Variants in SPTBN2 observed in about 807,000 individuals in gnomAD.
SPTBN2 encodes the protein spectrin beta, non-erythrocytic 2.
SPTBN2 carries 107 observed loss-of-function variants against 284.2 expected under a neutral mutation model. The observed-to-expected ratio is 0.38, with a 90% CI of 0.32 to 0.44. SPTBN2 has a LOEUF of 0.44. SPTBN2 is among the 20% of genes least tolerant of loss of function. SPTBN2 has a pLI of 1.00. For synonymous variants in SPTBN2, 1,289 were observed against 1,354.8 expected (o/e 0.95, Z 1.07); for missense variants, 2,569 against 3,287.1 (o/e 0.78, Z 5.34).
chr11:66,732,472 A>G (rs1942820049), upstream of SPTBN2, among the ~76,000 whole-genome samples: 1 of 151,928 alleles, frequency 6.6e-6, no homozygotes, highest in South Asian at 2.1e-4. Flanking sequence ...ACACAGTGAA[A>G]CCCCTTTTCT....
Position 66,715,148 on chromosome 11 carries a change from T to C in SPTBN2, c.483+74A>G. 4 of 1,589,720 alleles carry C rather than the reference T, an allele frequency of 2.5e-6. No individual in the cohort carries two copies. Among genetic ancestry groups the C allele is most frequent in the Admixed American group, 1.7e-5 (1 of 59,534 alleles). ...CTCCATCTTTGTGTTTGTTGTGTCA[T>C]GGGCCAGCAGGAACGGCTTGCGGTG... On this transcript the variant is annotated intron_variant, in intron 5 of 37. Transcript: ENST00000533211. The surrounding 1 kb of genome is among the most constrained non-coding windows in gnomAD (Gnocchi z 5.3).
chr11:66,704,820 C>T lies in SPTBN2; in HGVS notation c.2456G>A (p.Arg819His), dbSNP rs753107176. 156 of 1,606,326 alleles carry T rather than the reference C, an allele frequency of 9.7e-5. No individual in the cohort carries two copies. Among genetic ancestry groups the T allele is most frequent in the Non-Finnish European group, 1.2e-4 (142 of 1,179,216 alleles). ...QAAALPPTLSRTPEVQSRVPT... is the reference protein window; with the variant it reads ...QAAALPPTLSHTPEVQSRVPT... ...CACCCGGCTCTGCACCTCGGGCGTGCGGCTCAGTGTGGGGGGCAGGGCTGC... is the reference window on the plus strand; with the variant it reads ...CACCCGGCTCTGCACCTCGGGCGTGTGGCTCAGTGTGGGGGGCAGGGCTGC... Residue 819 changes from arginine to histidine, a missense_variant, in exon 15 of 38, where the codon CGC becomes CAC. Arg to His is a conservative substitution (Grantham distance 29). Transcript: ENST00000533211.
At chr11:66,734,067 C>G (rs1942836026), upstream of SPTBN2, among the ~76,000 whole-genome samples, 1 of 151,844 alleles carries the variant, frequency 6.6e-6, no homozygotes, top group South Asian at 2.1e-4. Context: ...CTCCTCTTGG[C>G]AGCAATTGAC....
Position 66,689,911 on chromosome 11 carries a change from T to G in SPTBN2, c.5843A>C (p.Asn1948Thr). The G allele has an allele frequency of 6.2e-7, 1 of 1,614,074 alleles. No individual in the cohort carries two copies. Among genetic ancestry groups the G allele is most frequent in the South Asian group, 1.1e-5 (1 of 91,078 alleles). Residue 1948 changes from asparagine (N) to threonine (T), a missense_variant, in exon 29 of 38, where the codon AAC (asparagine) becomes ACC (threonine). By Grantham distance (65) the Asn-to-Thr change is moderately conservative. Transcript: ENST00000533211. ...TATCTCTGCCTTGATGCCTTGCTGG[T>G]TCTTGATGACTAGATCCGCGGAGGA... ...DVSSADLVIKNQQGIKAEIEA... is the reference protein window; with the variant it reads ...DVSSADLVIKTQQGIKAEIEA...
intron 1 of SPTBN2, among the ~76,000 whole-genome samples, chr11:66,739,227 C>T (rs1942878275): frequency 6.6e-6 from 1 of 152,198 alleles, no homozygotes; most frequent in Admixed American, 6.5e-5. Context: ...AGGCGTGAGC[C>T]ACTGTGCACA....
rs182219767 is a variant in SPTBN2, at chr11:66,718,144, C to A, written c.158-2163G>T. On this transcript the variant is annotated intron_variant, in intron 3 of 37. Transcript: ENST00000533211. The surrounding 1 kb of genome is among the most constrained non-coding windows in gnomAD (Gnocchi z 4.8). The stretch of plus-strand genomic sequence containing the variant: ...TCCCCAGGTGCTGGCACCCCCACGC[C>A]CTCCATGGCTAGTTGCCTTTGCTCC... 6.6e-6 allele frequency among the ~76,000 whole-genome samples: 1 copy of A among 152,358 alleles called. No individual in the cohort carries two copies. Among genetic ancestry groups the A allele is most frequent in the East Asian group, 1.9e-4 (1 of 5,170 alleles).
At chr11:66,744,311 G>A (rs995160809) in intron 1 of SPTBN2, 29 of 152,716 alleles carry the variant, frequency 1.9e-4, no homozygotes, top group African/African-American at 7.0e-4. Flanking sequence ...CTGGGACCCA[G>A]GGCTTGGCCT....
rs11828633 is a variant in SPTBN2, at chr11:66,715,703, C to T, written c.309+127G>A. 1,910 of 1,334,794 alleles carry T rather than the reference C, an allele frequency of 1.4e-3. 29 individuals are homozygous for T. The African/African-American group carries it at 0.024, about 17-fold the overall frequency. The allele number at this position is 1,334,794 out of a possible 1,614,324, so 82.7% of individuals were successfully genotyped here. On this transcript the variant is annotated intron_variant, in intron 4 of 37. Transcript: ENST00000533211. The surrounding 1 kb of genome is among the most constrained non-coding windows in gnomAD (Gnocchi z 5.3). ...GCAAAGGCACTTGAAATGAACCCAT[C>T]CTCTGAGCAGAGGGAGCCACTGCTT...
At position 66,699,090 on chromosome 11, in the gene SPTBN2, G is replaced by A. The variant is rs780407971; in HGVS notation, c.3777-8C>T. 6.2e-6 allele frequency: 10 copies of A among 1,614,044 alleles called. No homozygotes were observed. Among genetic ancestry groups the A allele is most frequent in the South Asian group, 1.1e-5 (1 of 91,072 alleles). ...TCTTGATTCTTCTTGTGCCTGGAAC[G>A]ACACCCTCTTGTGAAACTCTGGAAT... On this transcript the variant is annotated splice_polypyrimidine_tract_variant and splice_region_variant and intron_variant, in intron 18 of 37. Coordinates refer to ENST00000533211, the MANE Select transcript of SPTBN2 (RefSeq NM_006946.4).
rs776575685 is a variant in SPTBN2, at chr11:66,705,068, G to T, written c.2208C>A (p.Ala736=). The T allele has an allele frequency of 1.3e-6, 2 of 1,589,070 alleles. No individual in the cohort carries two copies. The highest frequency in any genetic ancestry group is 2.3e-5 in the East Asian group (1 of 43,828). ...QAQWERLEAL[A]EERAQRLAQA... ...GGGCCAGCCGCTGGGCACGCTCCTCGGCCAGGGCCTCTAGCCGCTCCCACT... is the reference window on the plus strand; with the variant it reads ...GGGCCAGCCGCTGGGCACGCTCCTCTGCCAGGGCCTCTAGCCGCTCCCACT... The change falls in exon 15 of 38, where the codon GCC becomes GCA. Residue 736 remains alanine, a synonymous_variant. Coordinates refer to ENST00000533211, the MANE Select transcript of SPTBN2 (RefSeq NM_006946.4).
Position 66,690,182 on chromosome 11 carries a change from C to G in SPTBN2, c.5667G>C (p.Trp1889Cys). 1 of 1,614,060 alleles carries G rather than the reference C, an allele frequency of 6.2e-7. No individual in the cohort carries two copies. Among genetic ancestry groups the G allele is most frequent in the Non-Finnish European group, 8.5e-7 (1 of 1,180,006 alleles). ...CGGCAGAGCTTCCCTGAAGCTGGGC[C>G]CAGGCCTCGGCCACGGCCTGCATGT... ...GRHMQAVAEA[W>C]AQLQGSSAAR... The change falls in exon 28 of 38, where the codon TGG becomes TGC. Residue 1889 changes from tryptophan (W) to cysteine (C), a missense_variant. Trp to Cys is a radical substitution (Grantham distance 215). This residue lies in a region of SPTBN2 where 1,130 missense variants were observed against 1,317.3 expected (regional missense o/e 0.86). Transcript: ENST00000533211.
Position 66,713,686 on chromosome 11 carries a change from A to T in SPTBN2, c.717T>A (p.Asn239Lys). The T allele has an allele frequency of 6.2e-7, 1 of 1,614,188 alleles. No individual in the cohort carries two copies. Among genetic ancestry groups the T allele is most frequent in the African/African-American group, 1.3e-5 (1 of 75,050 alleles). The change falls in exon 8 of 38, where the codon AAT becomes AAA. Residue 239 changes from asparagine (N) to lysine (K), a missense_variant. Transcript: ENST00000533211. ...GTTCCTTTTCAGCCAGATTGAATGC[A>T]TTCTGCAGATTATAGTGTGCATTAC... ...KKCNAHYNLQ[N>K]AFNLAEKELG...
Position 66,693,274 on chromosome 11 carries a change from C to T in SPTBN2, c.4766G>A (p.Arg1589Gln), listed in dbSNP as rs767849819. Residue 1589 changes from arginine (R) to glutamine (Q), a missense_variant, in exon 24 of 38, where the codon CGA becomes CAA. Arg to Gln is a conservative substitution (Grantham distance 43). This residue lies in a region of SPTBN2 where 1,130 missense variants were observed against 1,317.3 expected (regional missense o/e 0.86). Transcript: ENST00000533211. This position sits in a 1 kb window ranked among gnomAD's most constrained non-coding sequence, Gnocchi z 5.7. Reference sequence around the variant, plus strand: ...GGCATCGCGGTAGAACTGCTGGGCTCGCAGGGCATCCTCCAGTCGCTTCCC... The same window carrying T: ...GGCATCGCGGTAGAACTGCTGGGCTTGCAGGGCATCCTCCAGTCGCTTCCC... ...LRGKRLEDAL[R>Q]AQQFYRDAAE... The T allele has an allele frequency of 5.0e-6, 8 of 1,613,876 alleles. No individual in the cohort carries two copies. The highest frequency in any genetic ancestry group is 1.3e-5 in the African/African-American group (1 of 74,948).
At position 66,710,887 on chromosome 11, in the gene SPTBN2, G is replaced by A; in HGVS notation, c.885+30C>T. The A allele has an allele frequency of 6.2e-7, 1 of 1,612,304 alleles. No homozygotes were observed. The highest frequency in any genetic ancestry group is 8.5e-7 in the Non-Finnish European group (1 of 1,178,404). Reference sequence around the variant, plus strand: ...AGACCCCTCAGCCGGGCCTCCTCTGGCCTTTATGCCTACTGCCCATGGACA... The same window carrying A: ...AGACCCCTCAGCCGGGCCTCCTCTGACCTTTATGCCTACTGCCCATGGACA... On this transcript the variant is annotated intron_variant, in intron 9 of 37. Coordinates refer to ENST00000533211, the MANE Select transcript of SPTBN2 (RefSeq NM_006946.4). This position sits in a 1 kb window ranked among gnomAD's most constrained non-coding sequence, Gnocchi z 4.9.
In SPTBN2 at chr11:66,705,215, C is replaced by G. The variant is rs1444763699; in HGVS notation, c.2061G>C (p.Arg687=). ...GCCCCAGCCGGCCGCTCATCTCGCC[C>G]CGCAGGGCTGTGTGCTTGTTGAGCA... ...LRLLNKHTAL[R]GEMSGRLGPL... Residue 687 remains arginine, a synonymous_variant, in exon 15 of 38, where the codon CGG becomes CGC. Coordinates refer to ENST00000533211, the MANE Select transcript of SPTBN2 (RefSeq NM_006946.4). The G allele has an allele frequency of 1.3e-6, 2 of 1,547,008 alleles. No individual in the cohort carries two copies. The highest frequency in any genetic ancestry group is 2.7e-5 in the African/African-American group (2 of 73,390).
intron 3 of SPTBN2, 105 bp downstream of exon 3, chr11:66,720,979 C>T (rs1942376131): frequency 1.3e-6 from 2 of 1,505,112 alleles, no homozygotes; most frequent in East Asian, 2.4e-5. Flanking sequence ...GGGTCTCCCA[C>T]TTAGAAAGAA....
In SPTBN2 at chr11:66,687,612, C is replaced by G. The variant is rs1940213691; in HGVS notation, c.6537G>C (p.Arg2179=). 2 of 1,605,600 alleles carry G rather than the reference C, an allele frequency of 1.2e-6. No homozygotes were observed. Among genetic ancestry groups the G allele is most frequent in the African/African-American group, 2.7e-5 (2 of 74,882 alleles). Residue 2179 remains arginine, a synonymous_variant, in exon 35 of 38, where the codon CGG becomes CGC. Coordinates refer to ENST00000533211, the MANE Select transcript of SPTBN2 (RefSeq NM_006946.4). The surrounding 1 kb of genome is among the most constrained non-coding windows in gnomAD (Gnocchi z 5.2). The part of the protein sequence containing the change: ...PGSGDEANGP[R]GERQTRTRGP... The stretch of plus-strand genomic sequence containing the variant: ...CCCGAGTCCGGGTCTGCCTCTCTCC[C>G]CGGGGCCCATTGGCTTCGTCCCCTG...
At chr11:66,712,749 G>A (rs973952906) in intron 8 of SPTBN2, 1 of 152,158 alleles carries the variant, frequency 6.6e-6, no homozygotes, top group Admixed American at 6.5e-5. Context: ...GCCCAAGCTG[G>A]AGTACTGTGG....
At chr11:66,686,892 G>A in intron 36 of SPTBN2, 102 bp downstream of exon 36, 1 of 1,523,234 alleles carries the variant, frequency 6.6e-7, no homozygotes, top group South Asian at 1.1e-5. Flanking sequence ...ACTCCACTCA[G>A]GCTCCTTACA....
Sources: gnomAD v4.1 joint callset for allele counts (sites outside exome capture counted in the v4.1 genomes callset) on GRCh38, gnomAD v4.1.1 for gene constraint, gnomAD v4.1.1 regional missense constraint, Gnocchi (gnomAD v3.1) non-coding constraint, MANE v1.5 for transcripts, NCBI Gene and HGNC (gene_info 2026-07-23, HGNC 2026-07-21) for gene names.